Variants in BDP1 observed in about 807,000 individuals in gnomAD.
The protein encoded by BDP1 is BDP1 general transcription factor IIIB subunit, also known as transcription factor TFIIIB component B'' homolog.
In BDP1, 169 loss-of-function variants were observed where a neutral mutation model predicts 266.6. The ratio of observed to expected loss-of-function variants is 0.63; its 90% CI spans 0.56 to 0.72. The LOEUF is 0.72. BDP1 is among the 30% of genes least tolerant of loss of function. The pLI is 0.00. For synonymous variants in BDP1, 1,090 were observed against 1,022.4 expected, an observed-to-expected ratio of 1.07 and a Z score of -1.26; for missense variants, 3,015 against 3,053.8, an observed-to-expected ratio of 0.99 and a Z score of 0.30.
chr5:71,546,224 A>G (rs1218833844), intron 32 of BDP1, among the ~76,000 whole-genome samples: 1 of 152,158 alleles, frequency 6.6e-6, no homozygotes, highest in African/African-American at 2.4e-5. Context: ...GAAGTTACAA[A>G]AATCTTACAA....
rs184438237 is a variant in BDP1 at position 71,480,559 on chromosome 5, T to C, written c.1015-3283T>C. On this transcript the variant is annotated intron_variant, in intron 7 of 38. Transcript: ENST00000358731. ...GGCTGGGATTATAGGCGTGAGCCAC[T>C]GTGCCCGGCCATTTTTTTTTTTTTT... Among the ~76,000 whole-genome samples the C allele has an allele frequency of 1.1e-3, 133 of 121,506 alleles. 4 individuals are homozygous for C. In the East Asian group the frequency reaches 0.029, roughly 27 times the overall value. 79.7% of individuals were successfully genotyped at this position (121,506 alleles called of 152,430 possible). A position where few individuals can be genotyped will look rare whatever the true frequency, so the allele number is the denominator to read the frequency against.
chr5:71,507,608 C>G (rs1377901916), intron 16 of BDP1, among the ~76,000 whole-genome samples: 1 of 152,180 alleles, frequency 6.6e-6, no homozygotes, highest in Admixed American at 6.5e-5. Context: ...TATCTCTTCC[C>G]ATGGTACCCA....
At chr5:71,464,385 T>C (rs985498549) in intron 4 of BDP1, among the ~76,000 whole-genome samples, 1 of 151,690 alleles carries the variant, frequency 6.6e-6, no homozygotes, top group African/African-American at 2.4e-5. Flanking sequence ...GTCCTAGTTA[T>C]TCAGGAGGCT....
chr5:71,510,778 A>G lies in BDP1; in HGVS notation c.3686A>G (p.Glu1229Gly). The G allele has an allele frequency of 6.2e-7, 1 of 1,614,016 alleles. No homozygotes were observed. Among genetic ancestry groups the G allele is most frequent in the East Asian group, 2.2e-5 (1 of 44,890 alleles). ...PVGKMETDLKEIREEISQREK... is the reference protein window; with the variant it reads ...PVGKMETDLKGIREEISQREK... ...GGTAAAATGGAGACAGATTTGAAAG[A>G]AATTAGAGAAGAAATTTCCCAAAGG... The change falls in exon 17 of 39, where the codon GAA (glutamate) becomes GGA (glycine). Residue 1229 changes from glutamate to glycine, a missense_variant. This residue lies in a region of BDP1 where 2,383 missense variants were observed against 2,404.9 expected (regional missense o/e 0.99). Coordinates refer to ENST00000358731, the MANE Select transcript of BDP1 (RefSeq NM_018429.3).
At chr5:71,526,634 A>G (rs193278199) in intron 25 of BDP1, among the ~76,000 whole-genome samples, 2,624 of 149,210 alleles carry the variant, frequency 0.018, 55 homozygotes, top group Non-Finnish European at 0.028. Flanking sequence ...AAAAAAAAAA[A>G]AAGAAGAGTG....
chr5:71,512,051 A>G (rs1180754663), intron 17 of BDP1, among the ~76,000 whole-genome samples, 190 bp from the exon 18 acceptor site: 1 of 152,088 alleles, frequency 6.6e-6, no homozygotes, highest in Non-Finnish European at 1.5e-5. Flanking sequence ...TGGGAAAGTA[A>G]TAATATGCAA....
chr5:71,575,706 A>G, the BDP1 span, among the ~76,000 whole-genome samples: 2 of 152,258 alleles, frequency 1.3e-5, no homozygotes, highest in Admixed American at 1.3e-4. Context: ...TGTGCCTTCT[A>G]TTAATCAAAG....
At chr5:71,556,669 G>A (rs1216196577) in intron 35 of BDP1, among the ~76,000 whole-genome samples, 2 of 152,118 alleles carry the variant, frequency 1.3e-5, no homozygotes, top group Non-Finnish European at 2.9e-5. Context: ...TATTGAGACT[G>A]ATTATAAAAG....
chr5:71,487,066 A>C (rs997620654), intron 9 of BDP1, among the ~76,000 whole-genome samples: 1 of 152,206 alleles, frequency 6.6e-6, no homozygotes, highest in Admixed American at 6.5e-5. Flanking sequence ...TGTAACAGGT[A>C]GAAATTGTAT....
chr5:71,463,684 C>G (rs1761710778), intron 3 of BDP1, among the ~76,000 whole-genome samples: 1 of 151,814 alleles, frequency 6.6e-6, no homozygotes. Context: ...AAAAATTAGC[C>G]TGGTGTGGTG....
intron 7 of BDP1, among the ~76,000 whole-genome samples, chr5:71,474,892 G>T (rs1483920346): frequency 3.3e-5 from 5 of 150,704 alleles, no homozygotes; most frequent in Non-Finnish European, 7.4e-5. Context: ...CTCCCAAAGT[G>T]CTGGGATTAC....
chr5:71,509,019 A>G (rs1764742124), intron 16 of BDP1, among the ~76,000 whole-genome samples: 1 of 152,224 alleles, frequency 6.6e-6, no homozygotes, highest in African/African-American at 2.4e-5. Context: ...ATCTTGGTCA[A>G]GTCATACTTG....
intron 25 of BDP1, among the ~76,000 whole-genome samples, chr5:71,525,365 G>A (rs1223330603): frequency 1.4e-5 from 2 of 146,828 alleles, no homozygotes; most frequent in Admixed American, 6.7e-5. Flanking sequence ...CTCACCTCCC[G>A]GATGGGGCGG....
In BDP1 at chr5:71,549,573, A is replaced by G. The variant is rs59354595; in HGVS notation, c.6962A>G (p.Lys2321Arg). Residue 2321 changes from lysine (K) to arginine (R), a missense_variant, in exon 34 of 39, where the codon AAA (lysine) becomes AGA (arginine). Lys to Arg is a conservative substitution (Grantham distance 26). Coordinates refer to ENST00000358731, the MANE Select transcript of BDP1 (RefSeq NM_018429.3). The stretch of plus-strand genomic sequence containing the variant: ...TTACTGCCAGCTCCCATATTGGTCA[A>G]ATCAGTGAATACCGAAGAAAGGGGT... ...NPLLPAPILV[K>R]SVNTEERGDM... 11,255 of 1,610,424 alleles carry G rather than the reference A, an allele frequency of 7.0e-3. 626 individuals carry two copies. The African/African-American group carries it at 0.13, about 18-fold the overall frequency.
intron 4 of BDP1, among the ~76,000 whole-genome samples, chr5:71,465,134 G>A (rs1370668177): frequency 1.3e-5 from 2 of 152,006 alleles, no homozygotes; most frequent in African/African-American, 4.8e-5. Flanking sequence ...GCCTCCAAAA[G>A]TACTAGGATT....
rs371137263 is a variant in BDP1 at position 71,524,188 on chromosome 5, C to T, written c.5637C>T (p.Asp1879=). 16 of 1,614,026 alleles carry T rather than the reference C, an allele frequency of 9.9e-6. No individual in the cohort carries two copies. Among genetic ancestry groups the T allele is most frequent in the South Asian group, 2.2e-5 (2 of 91,092 alleles). Residue 1879 remains aspartate (D), a synonymous_variant, in exon 25 of 39, where the codon GAC becomes GAT. Coordinates refer to ENST00000358731, the MANE Select transcript of BDP1 (RefSeq NM_018429.3). ...CCCAGGAAGAAGATGATGATGCTGA[C>T]GATTTTGAGTCTGACTATGAGGAAG... The part of the protein sequence containing the change: ...RASQEEDDDA[D]DFESDYEEES...
intron 37 of BDP1, among the ~76,000 whole-genome samples, chr5:71,561,151 C>G (rs548620842): frequency 4.0e-5 from 6 of 151,016 alleles, no homozygotes; most frequent in African/African-American, 1.5e-4. Flanking sequence ...CCTGTAATCC[C>G]AGCACTTTGG....
intron 4 of BDP1, among the ~76,000 whole-genome samples, chr5:71,464,756 G>C (rs1402811809): frequency 1.8e-5 from 2 of 113,204 alleles, no homozygotes; most frequent in Non-Finnish European, 3.4e-5. Context: ...GTCTTGCTCT[G>C]TCACCAGGCG....
In BDP1 at chr5:71,459,831, C is replaced by T. The variant is rs983708545; in HGVS notation, c.489+976C>T. On this transcript the variant is annotated intron_variant, in intron 2 of 38. Transcript: ENST00000358731. Reference sequence around the variant, plus strand: ...TTGAGCATCCCTGAAATTGAAAATGCTCCAAAGTCTAAAATGTTTTGAGTG... The same window carrying T: ...TTGAGCATCCCTGAAATTGAAAATGTTCCAAAGTCTAAAATGTTTTGAGTG... Among the ~76,000 whole-genome samples, 5 of 152,264 alleles carry T rather than the reference C, an allele frequency of 3.3e-5. No individual in the cohort carries two copies. The South Asian group carries it at 1.0e-3, about 32-fold the overall frequency.
Sources: gnomAD v4.1 joint callset for allele counts (sites outside exome capture counted in the v4.1 genomes callset) on GRCh38, gnomAD v4.1.1 for gene constraint, gnomAD v4.1.1 regional missense constraint, MANE v1.5 for transcripts, NCBI Gene and HGNC (gene_info 2026-07-23, HGNC 2026-07-21) for gene names.